B4GALNT3: variants seen among roughly 807,000 people sequenced by gnomAD.
B4GALNT3 encodes the protein beta-1,4-N-acetylgalactosaminyltransferase 3.
In B4GALNT3, 86 loss-of-function variants were observed where a neutral mutation model predicts 120.2. The ratio of observed to expected loss-of-function variants is 0.72; its 90% CI spans 0.60 to 0.86. The LOEUF is 0.86. B4GALNT3 is among the 40% of genes least tolerant of loss of function. The pLI is 0.00. For missense variants in B4GALNT3, 1,167 were observed against 1,298.9 expected, an observed-to-expected ratio of 0.90 and a Z score of 1.56; for synonymous variants, 518 against 510.4, an observed-to-expected ratio of 1.01 and a Z score of -0.20.
chr12:554,591 C>G (rs1208958109), intron 14 of B4GALNT3, among the ~76,000 whole-genome samples: 5 of 150,190 alleles, frequency 3.3e-5, no homozygotes, highest in Admixed American at 3.3e-4. Context: ...GAGATCGAGA[C>G]CATCCTGGCT....
intron 1 of B4GALNT3, among the ~76,000 whole-genome samples, chr12:511,773 CA>C: frequency 9.5e-6 from 1 of 104,998 alleles, no homozygotes. Context: ...TTCCACCTTC[CA>C]CCTTCTTCCA....
Position 464,477 on chromosome 12 carries a change from T to TA in B4GALNT3, c.169+3939dup, listed in dbSNP as rs375169483. ...AAACCCCATCTCTACTAAAAAAGATTAAAAAAATACCCAGGCATGGTGGCG... is the reference window on the plus strand; with the variant it reads ...AAACCCCATCTCTACTAAAAAAGATTAAAAAAAATACCCAGGCATGGTGGCG... On this transcript the variant is annotated intron_variant, in intron 1 of 19. Transcript: ENST00000266383. Among the ~76,000 whole-genome samples, 56 of 151,652 alleles carry TA rather than the reference T, an allele frequency of 3.7e-4. 2 individuals carry two copies. In the East Asian group the frequency reaches 0.01, roughly 27 times the overall value.
chr12:555,469 A>C (rs1462731443), intron 14 of B4GALNT3: 5 of 418,952 alleles, frequency 1.2e-5, no homozygotes, highest in Non-Finnish European at 2.4e-5. Context: ...GATATACCAC[A>C]TTTTTCCATT....
At chr12:490,727 C>CA (rs35344501) in intron 1 of B4GALNT3, among the ~76,000 whole-genome samples, 4,238 of 139,410 alleles carry the variant, frequency 0.03, 199 homozygotes, top group African/African-American at 0.1. Context: ...GACACTGTCT[C>CA]AAAAAAAAAA....
chr12:533,949 C>T (rs532445716), intron 1 of B4GALNT3, among the ~76,000 whole-genome samples: 16 of 152,324 alleles, frequency 1.1e-4, no homozygotes, highest in African/African-American at 2.6e-4. Context: ...TCTGTGTCTG[C>T]GTGGCTGTCT....
chr12:500,980 G>T (rs541999356), intron 1 of B4GALNT3, among the ~76,000 whole-genome samples: 86 of 147,434 alleles, frequency 5.8e-4, no homozygotes, highest in African/African-American at 2.1e-3. Flanking sequence ...CGATTCTCCT[G>T]CCTCAGCCTC....
chr12:551,203 C>T (rs1389816082), intron 11 of B4GALNT3, among the ~76,000 whole-genome samples, 172 bp downstream of exon 11: 2 of 152,218 alleles, frequency 1.3e-5, no homozygotes. Flanking sequence ...CCAGATGGAC[C>T]GCCCTGAATA....
At chr12:543,682 T>C (rs377064840) in intron 3 of B4GALNT3, among the ~76,000 whole-genome samples, 79 of 36,494 alleles carry the variant, frequency 2.2e-3, no homozygotes, top group African/African-American at 3.0e-3. Flanking sequence ...CTCATCTTCC[T>C]GGAGCTGAGG....
At chr12:540,095 G>C (rs1211596651) in intron 3 of B4GALNT3, among the ~76,000 whole-genome samples, 2 of 152,196 alleles carry the variant, frequency 1.3e-5, no homozygotes, top group Non-Finnish European at 2.9e-5. Context: ...GTTTGACTCT[G>C]GTTGAGTAGC....
intron 9 of B4GALNT3, among the ~76,000 whole-genome samples, chr12:549,472 C>G (rs1459926055): frequency 6.6e-6 from 1 of 152,252 alleles, no homozygotes; most frequent in East Asian, 1.9e-4. Context: ...ATTAGGCGTA[C>G]TTAATGCCAC....
At chr12:461,644 G>C (rs551593317) in intron 1 of B4GALNT3, among the ~76,000 whole-genome samples, 1 of 152,338 alleles carries the variant, frequency 6.6e-6, no homozygotes, top group East Asian at 1.9e-4. Flanking sequence ...GCAAGCAGCT[G>C]AGAAGATACT....
intron 1 of B4GALNT3, among the ~76,000 whole-genome samples, chr12:532,153 A>G (rs938098096): frequency 4.6e-5 from 7 of 152,126 alleles, no homozygotes; most frequent in African/African-American, 7.2e-5. Context: ...TTCCTACTCT[A>G]TCATGAGGAC....
intron 1 of B4GALNT3, among the ~76,000 whole-genome samples, chr12:469,975 C>T (rs1399606080): frequency 1.3e-5 from 2 of 152,214 alleles, no homozygotes; most frequent in African/African-American, 4.8e-5. Context: ...CGTGCATGGC[C>T]AGTGTACATC....
intron 1 of B4GALNT3, among the ~76,000 whole-genome samples, chr12:518,228 C>T (rs1444140027): frequency 1.3e-5 from 2 of 152,176 alleles, no homozygotes; most frequent in South Asian, 2.1e-4. Flanking sequence ...TCTTTCTGCT[C>T]TGAAAGTGGT....
chr12:496,134 A>G (rs1191059677), intron 1 of B4GALNT3, among the ~76,000 whole-genome samples: 1 of 152,162 alleles, frequency 6.6e-6, no homozygotes, highest in African/African-American at 2.4e-5. Context: ...ATCATGGCAG[A>G]AAAAGATCCA....
intron 1 of B4GALNT3, among the ~76,000 whole-genome samples, chr12:522,425 A>G (rs1175999650): frequency 2.0e-5 from 3 of 152,242 alleles, no homozygotes; most frequent in Non-Finnish European, 4.4e-5. Context: ...AAAATATTGT[A>G]TGATTCCACT....
chr12:546,243 T>G (rs962016927), intron 6 of B4GALNT3, among the ~76,000 whole-genome samples: 70 of 75,380 alleles, frequency 9.3e-4, no homozygotes, highest in East Asian at 1.8e-3. Context: ...AGTGGGGAGG[T>G]GGGGAGAGGA....
At position 487,376 on chromosome 12, in the gene B4GALNT3, A is replaced by G. The variant is rs547361634; in HGVS notation, c.169+26831A>G. Among the ~76,000 whole-genome samples, 21 of 152,294 alleles carry G rather than the reference A, an allele frequency of 1.4e-4. No individual in the cohort carries two copies. In the South Asian group the frequency reaches 4.1e-3, roughly 30 times the overall value. ...ACACCAAAATAAAACAATAAACACA[A>G]TACCTAGCCAGACCATATTCAAACT... On this transcript the variant is annotated intron_variant, in intron 1 of 19. Transcript: ENST00000266383.
chr12:557,040 T>C (rs1947164497), intron 15 of B4GALNT3, among the ~76,000 whole-genome samples, 174 bp downstream of exon 15: 1 of 152,220 alleles, frequency 6.6e-6, no homozygotes, highest in Non-Finnish European at 1.5e-5. Context: ...GTTATGTGGC[T>C]AGTAAATGTT....
Sources: gnomAD v4.1 joint callset for allele counts (sites outside exome capture counted in the v4.1 genomes callset) on GRCh38, gnomAD v4.1.1 for gene constraint, MANE v1.5 for transcripts, NCBI Gene and HGNC (gene_info 2026-07-23, HGNC 2026-07-21) for gene names.